CNTN5: variants seen among roughly 807,000 people sequenced by gnomAD.
The protein encoded by CNTN5 is contactin-5.
In CNTN5, 77 loss-of-function variants were observed where a neutral mutation model predicts 129.1. The observed-to-expected ratio is 0.60, with a 90% CI of 0.50 to 0.72. The LOEUF is 0.72. Ranked by LOEUF, CNTN5 falls within the 30% of genes least tolerant of loss-of-function variation. The pLI, the probability that CNTN5 is intolerant of heterozygous loss-of-function variation, is 0.00. For missense variants in CNTN5, 1,478 were observed against 1,328.8 expected (o/e 1.11, Z -1.75); for synonymous variants, 509 against 465.6 (o/e 1.09, Z -1.20).
chr11:100,003,810 T>C (rs757214852), intron 9 of CNTN5: 1 of 152,098 alleles, frequency 6.6e-6, no homozygotes, highest in Non-Finnish European at 1.5e-5. Flanking sequence ...AGTAAATACA[T>C]AAAAGGGAGT....
intron 2 of CNTN5, among the ~76,000 whole-genome samples, chr11:99,494,639 C>A (rs1465414379): frequency 6.6e-6 from 1 of 152,170 alleles, no homozygotes; most frequent in East Asian, 1.9e-4. Flanking sequence ...TAGCCCTGGA[C>A]AGTCTGTGAT....
intron 1 of CNTN5, among the ~76,000 whole-genome samples, chr11:99,228,965 AT>A (rs1489611350): frequency 6.6e-6 from 1 of 151,774 alleles, no homozygotes; most frequent in Non-Finnish European, 1.5e-5. Context: ...TTGCTTGTAT[AT>A]TTTACATACA....
intron 24 of CNTN5, among the ~76,000 whole-genome samples, chr11:100,355,425 T>C (rs1452692862): frequency 6.6e-6 from 1 of 151,734 alleles, no homozygotes; most frequent in Non-Finnish European, 1.5e-5. Flanking sequence ...TGAAGTTGTT[T>C]TACAGTTAAC....
chr11:99,768,188 A>C (rs1944821394), intron 3 of CNTN5, among the ~76,000 whole-genome samples: 1 of 152,100 alleles, frequency 6.6e-6, no homozygotes, highest in Non-Finnish European at 1.5e-5. Context: ...AAATTTTGCT[A>C]CATCTGTTTT....
intron 13 of CNTN5, among the ~76,000 whole-genome samples, chr11:100,138,676 G>A (rs1008077554): frequency 2.6e-5 from 4 of 151,974 alleles, no homozygotes; most frequent in Non-Finnish European, 2.9e-5. Context: ...GAGGTCTTAC[G>A]GTCACTGAAG....
At chr11:99,662,803 A>T (rs565250842) in intron 3 of CNTN5, among the ~76,000 whole-genome samples, 4 of 152,190 alleles carry the variant, frequency 2.6e-5, no homozygotes, top group African/African-American at 9.7e-5. Context: ...GAAATAAAGA[A>T]TCTCAGACGC....
At chr11:99,151,549 A>C (rs1056737196) in intron 1 of CNTN5, among the ~76,000 whole-genome samples, 1 of 152,198 alleles carries the variant, frequency 6.6e-6, no homozygotes, top group Admixed American at 6.5e-5. Context: ...AGTGTATCTT[A>C]CTGGGCAGAA....
intron 2 of CNTN5, among the ~76,000 whole-genome samples, chr11:99,530,017 G>A (rs1947634956): frequency 6.6e-6 from 1 of 152,012 alleles, no homozygotes; most frequent in Non-Finnish European, 1.5e-5. Context: ...TTTAAGGAAA[G>A]CATTATTTTA....
intron 1 of CNTN5, among the ~76,000 whole-genome samples, chr11:99,191,100 A>G (rs1009621271): frequency 4.0e-5 from 6 of 151,820 alleles, no homozygotes; most frequent in African/African-American, 1.4e-4. Context: ...TGAGATAAAC[A>G]TATCTTTTTG....
chr11:99,046,317 G>A (rs1864204995), intron 1 of CNTN5, among the ~76,000 whole-genome samples: 2 of 152,148 alleles, frequency 1.3e-5, no homozygotes, highest in South Asian at 4.1e-4. Flanking sequence ...TCCAGCCTGG[G>A]TGACACAGCG....
intron 1 of CNTN5, among the ~76,000 whole-genome samples, chr11:99,271,750 G>A (rs1269584771): frequency 6.6e-6 from 1 of 151,800 alleles, no homozygotes; most frequent in African/African-American, 2.4e-5. Context: ...ACTGACTATT[G>A]ATAAAAGCCC....
chr11:99,534,427 A>G (rs1347686033), intron 2 of CNTN5, among the ~76,000 whole-genome samples: 1 of 152,208 alleles, frequency 6.6e-6, no homozygotes, highest in Non-Finnish European at 1.5e-5. Flanking sequence ...AGGATAGAAA[A>G]GGACTTTACG....
chr11:99,810,869 T>C (rs1946407963), intron 3 of CNTN5, among the ~76,000 whole-genome samples: 1 of 152,112 alleles, frequency 6.6e-6, no homozygotes, highest in Admixed American at 6.6e-5. Context: ...TTGGATATTG[T>C]ATGTCTTCTG....
intron 3 of CNTN5, among the ~76,000 whole-genome samples, chr11:99,740,744 GA>G (rs1376779870): frequency 2.6e-5 from 4 of 152,140 alleles, no homozygotes; most frequent in African/African-American, 9.7e-5. Flanking sequence ...GGATATGCAT[GA>G]AACACTCTAG....
At chr11:99,060,459 A>T (rs1864827108) in intron 1 of CNTN5, among the ~76,000 whole-genome samples, 1 of 152,114 alleles carries the variant, frequency 6.6e-6, no homozygotes, top group Non-Finnish European at 1.5e-5. Context: ...ATTACACTAA[A>T]GCTATCATAG....
At chr11:99,671,890 A>T (rs1208702328) in intron 3 of CNTN5, among the ~76,000 whole-genome samples, 1 of 152,164 alleles carries the variant, frequency 6.6e-6, no homozygotes, top group Non-Finnish European at 1.5e-5. Flanking sequence ...GCACGCATAC[A>T]TAATAATTCA....
At chr11:99,812,453 A>C (rs1387161975) in intron 3 of CNTN5, among the ~76,000 whole-genome samples, 1 of 152,096 alleles carries the variant, frequency 6.6e-6, no homozygotes, top group Non-Finnish European at 1.5e-5. Flanking sequence ...TCTAGATAAT[A>C]ATAACAAAAA....
intron 1 of CNTN5, among the ~76,000 whole-genome samples, chr11:99,139,614 ATCTTT>A (rs141393791): frequency 0.029 from 4,391 of 152,286 alleles, 77 homozygotes; most frequent in East Asian, 0.066. Context: ...ATTATAAAAC[ATCTTT>A]TCTTATTTCA....
intron 13 of CNTN5, among the ~76,000 whole-genome samples, chr11:100,118,958 A>G (rs945889998): frequency 2.0e-5 from 3 of 151,716 alleles, no homozygotes; most frequent in Non-Finnish European, 4.4e-5. Context: ...GGCATTTTAA[A>G]TTTCTACGTC....
Sources: gnomAD v4.1 joint callset for allele counts (sites outside exome capture counted in the v4.1 genomes callset) on GRCh38, gnomAD v4.1.1 for gene constraint, MANE v1.5 for transcripts, NCBI Gene and HGNC (gene_info 2026-07-23, HGNC 2026-07-21) for gene names.